Variants in MCUB observed in about 807,000 individuals in gnomAD.
The protein encoded by MCUB is mitochondrial calcium uniporter dominant negative subunit beta.
A neutral mutation model predicts 41.4 loss-of-function variants in MCUB; 46 were observed. The ratio of observed to expected loss-of-function variants is 1.11; its 90% confidence interval spans 0.88 to 1.42. MCUB has a LOEUF of 1.42. Among genes scored for constraint, MCUB ranks in the 40% most tolerant of loss-of-function variants. The probability of loss-of-function intolerance (pLI) is 0.00; values close to 1 mark genes in which losing one functional copy is unlikely to be tolerated. For missense variants in MCUB, 403 were observed against 404.9 expected (o/e 1.00, Z 0.04); for synonymous variants, 148 against 148.2 (o/e 1.00, Z 0.01).
intron 1 of MCUB, among the ~76,000 whole-genome samples, chr4:109,639,121 G>T (rs1438763758): frequency 6.6e-6 from 1 of 152,094 alleles, no homozygotes; most frequent in East Asian, 1.9e-4. Flanking sequence ...TTCTAGAAAG[G>T]TCTCAATGTA....
intron 3 of MCUB, among the ~76,000 whole-genome samples, chr4:109,660,730 T>A (rs756837734): frequency 4.0e-5 from 6 of 151,744 alleles, no homozygotes; most frequent in Non-Finnish European, 8.8e-5. Context: ...GCAGGAGAAT[T>A]GCTTGAACCC....
At chr4:109,610,948 G>C (rs1727995709) in intron 1 of MCUB, among the ~76,000 whole-genome samples, 1 of 152,142 alleles carries the variant, frequency 6.6e-6, no homozygotes, top group African/African-American at 2.4e-5. Context: ...CCTGTGATGA[G>C]AATCAATGGA....
chr4:109,627,204 C>CTAAT (rs1331055017), intron 1 of MCUB, among the ~76,000 whole-genome samples: 1 of 150,468 alleles, frequency 6.6e-6, no homozygotes, highest in East Asian at 1.9e-4. Context: ...CAAATAAATC[C>CTAAT]TAATTCTTCA....
intron 1 of MCUB, among the ~76,000 whole-genome samples, chr4:109,590,017 C>T (rs566899433): frequency 3.9e-5 from 6 of 152,156 alleles, no homozygotes; most frequent in Admixed American, 1.3e-4. Flanking sequence ...AAGCTCTCTA[C>T]GTTGTTCCTT....
intron 1 of MCUB, among the ~76,000 whole-genome samples, chr4:109,619,433 C>T (rs535387102): frequency 7.4e-4 from 112 of 151,708 alleles, no homozygotes; most frequent in Non-Finnish European, 1.3e-3. Flanking sequence ...AAAGGCTGGG[C>T]GTGGTGGCTC....
rs1385391853 is a variant in MCUB, at chr4:109,632,003, TG to T, written c.100-27007del. On this transcript the variant is annotated intron_variant, in intron 1 of 7. Transcript: ENST00000394650. ...CAGCCCACCTCTGGCTCTTTGGCGC[TG>T]ATGCTTGTGTATTTCTCATGTAGCC... is the stretch of plus-strand genomic sequence containing the variant. 9.9e-5 allele frequency among the ~76,000 whole-genome samples: 15 copies of T among 152,254 alleles called. No homozygotes were observed. The East Asian group carries it at 2.9e-3, about 29-fold the overall frequency.
At chr4:109,603,591 C>T (rs989012396) in intron 1 of MCUB, among the ~76,000 whole-genome samples, 7 of 151,614 alleles carry the variant, frequency 4.6e-5, no homozygotes, top group South Asian at 2.1e-4. Flanking sequence ...TCTACCTGGC[C>T]GCCACCCTGT....
chr4:109,660,332 A>G lies in MCUB; in HGVS notation c.313A>G (p.Lys105Glu), dbSNP rs1261674348. The change falls in exon 3 of 8, where the codon AAG becomes GAG. Residue 105 changes from lysine (K) to glutamate (E), a missense_variant. Transcript: ENST00000394650. ...CCTTCAGGACCTACAAAATGAAGATAAGGGTATCAAAACTGCAGCCATCTT... is the reference window on the plus strand; with the variant it reads ...CCTTCAGGACCTACAAAATGAAGATGAGGGTATCAAAACTGCAGCCATCTT... ...SFLQDLQNED[K>E]GIKTAAIFTA... is the part of the protein sequence containing the mutation. 3 of 1,608,358 alleles carry G rather than the reference A, an allele frequency of 1.9e-6. No individual in the cohort carries two copies. Among genetic ancestry groups the G allele is most frequent in the African/African-American group, 1.3e-5 (1 of 74,914 alleles).
chr4:109,648,044 T>C (rs1260916610), intron 1 of MCUB, among the ~76,000 whole-genome samples: 4 of 152,194 alleles, frequency 2.6e-5, no homozygotes, highest in Non-Finnish European at 5.9e-5. Context: ...ATTCACATAA[T>C]GATGTTGAAA....
At chr4:109,664,422 C>CTTTTT (rs11405576) in intron 4 of MCUB, 28 bp downstream of exon 4, 3 of 616,442 alleles carry the variant, frequency 4.9e-6, no homozygotes, top group African/African-American at 4.1e-5. Context: ...CCAACTATTA[C>CTTTTT]TTTTTTTTTT....
chr4:109,642,084 C>T (rs77846216), intron 1 of MCUB, among the ~76,000 whole-genome samples: 4,117 of 152,252 alleles, frequency 0.027, 95 homozygotes, highest in Non-Finnish European at 0.045. Flanking sequence ...AATACTGTGA[C>T]TGCATTTTTG....
intron 1 of MCUB, among the ~76,000 whole-genome samples, chr4:109,637,006 A>G (rs1270735474): frequency 1.3e-5 from 2 of 152,204 alleles, no homozygotes; most frequent in Non-Finnish European, 2.9e-5. Flanking sequence ...GCAATGGGTC[A>G]GGAATGTGTG....
At chr4:109,649,335 A>G (rs1190904057) in intron 1 of MCUB, among the ~76,000 whole-genome samples, 1 of 151,476 alleles carries the variant, frequency 6.6e-6, no homozygotes, top group Admixed American at 6.6e-5. Flanking sequence ...CTTTATCTCT[A>G]TTGGTTTGGA....
chr4:109,663,507 A>G (rs1196551406), intron 3 of MCUB, among the ~76,000 whole-genome samples: 2 of 152,114 alleles, frequency 1.3e-5, no homozygotes, highest in East Asian at 3.9e-4. Flanking sequence ...AATAAACCAT[A>G]CAATGCAAAT....
chr4:109,678,483 GGGCAGAGGCGCTCCCCA>G (rs1561250999), intron 4 of MCUB, among the ~76,000 whole-genome samples: 2 of 145,088 alleles, frequency 1.4e-5, no homozygotes, highest in East Asian at 2.1e-4. Flanking sequence ...CGGGGCGGCC[GGGCAGAGGCGCTCCCCA>G]TTTCCCAGAT....
At position 109,687,622 on chromosome 4, in the gene MCUB, C is replaced by A; in HGVS notation, c.*30C>A. The stretch of plus-strand genomic sequence containing the variant: ...ACAGTTTTAAATGTCGTCAGATTTT[C>A]CATTATGTATTGATTTTGCAACTTA... On this transcript the variant is annotated 3_prime_UTR_variant, in exon 8 of 8. Coordinates refer to ENST00000394650, the MANE Select transcript of MCUB (RefSeq NM_017918.5). The A allele has an allele frequency of 6.9e-7, 1 of 1,452,646 alleles. No homozygotes were observed. The allele number at this position is 1,452,646 out of a possible 1,614,324, so 90.0% of individuals were successfully genotyped here.
At chr4:109,572,017 T>G (rs1726926597) in intron 1 of MCUB, among the ~76,000 whole-genome samples, 1 of 152,130 alleles carries the variant, frequency 6.6e-6, no homozygotes, top group African/African-American at 2.4e-5. Flanking sequence ...AACGGGGTAG[T>G]TTTGTTTTGG....
At position 109,684,511 on chromosome 4, in the gene MCUB, G is replaced by GCTGT. The variant is rs777903845; in HGVS notation, c.683_686dup (p.Ile230ValfsTer52). 6.2e-7 allele frequency: 1 copy of GCTGT among 1,614,020 alleles called. No individual in the cohort carries two copies. The highest frequency in any genetic ancestry group is 8.5e-7 in the Non-Finnish European group (1 of 1,179,926). On this transcript the variant is annotated frameshift_variant, in exon 6 of 8. Transcript: ENST00000394650. LOFTEE classifies it high-confidence loss of function. The stretch of plus-strand genomic sequence containing the variant: ...GACTCCTGTGGGCTGGATTGGCACT[G>GCTGT]CTGTCCATTCAGGGTGGGGCACTGG...
At chr4:109,608,347 C>T (rs574334010) in intron 1 of MCUB, among the ~76,000 whole-genome samples, 10 of 151,836 alleles carry the variant, frequency 6.6e-5, no homozygotes, top group Admixed American at 4.6e-4. Flanking sequence ...TTTGAGATAC[C>T]TGTCTGAAAG....
Sources: allele counts gnomAD v4.1 joint callset (sites outside exome capture counted in the v4.1 genomes callset), GRCh38; gene constraint gnomAD v4.1.1; transcripts MANE v1.5; gene names NCBI Gene and HGNC (gene_info 2026-07-23, HGNC 2026-07-21).